Variants in ABTB2 observed in about 807,000 individuals in gnomAD.
ABTB2 encodes the protein ankyrin repeat and BTB/POZ domain-containing protein 2.
In ABTB2, 56 loss-of-function variants were observed where a neutral mutation model predicts 104.1. That is an observed-to-expected ratio of 0.54 (90% CI 0.43 to 0.67). The LOEUF (loss-of-function observed/expected upper bound fraction) is 0.67. ABTB2 is among the 30% of genes least tolerant of loss of function. ABTB2 has a pLI of 0.00. For missense variants in ABTB2, 1,279 were observed against 1,407.7 expected (o/e 0.91, Z 1.46); for synonymous variants, 606 against 608.2 (o/e 1.00, Z 0.05).
At chr11:34,271,481 G>A (rs1290009839) in intron 1 of ABTB2, among the ~76,000 whole-genome samples, 1 of 152,140 alleles carries the variant, frequency 6.6e-6, no homozygotes, top group East Asian at 1.9e-4. Context: ...GCTCATGCCT[G>A]TAATCCCAGC....
intron 1 of ABTB2, among the ~76,000 whole-genome samples, chr11:34,224,785 T>C (rs555456136): frequency 6.6e-6 from 1 of 152,320 alleles, no homozygotes; most frequent in East Asian, 1.9e-4. Flanking sequence ...GGCACCATTG[T>C]CTCTAATCAC....
At chr11:34,246,774 TG>T (rs1438295080) in intron 1 of ABTB2, among the ~76,000 whole-genome samples, 1 of 151,878 alleles carries the variant, frequency 6.6e-6, no homozygotes. Context: ...TGAGTTTCTT[TG>T]TATTGAGCCT....
chr11:34,201,318 G>A (rs143122829), intron 2 of ABTB2, among the ~76,000 whole-genome samples: 52 of 152,192 alleles, frequency 3.4e-4, no homozygotes, highest in African/African-American at 1.2e-3. Context: ...TTTCACTCTG[G>A]TCCTTCCACC....
At chr11:34,244,758 A>G (rs922024607) in intron 1 of ABTB2, among the ~76,000 whole-genome samples, 1 of 152,178 alleles carries the variant, frequency 6.6e-6, no homozygotes, top group Non-Finnish European at 1.5e-5. Flanking sequence ...TTGTAATCCC[A>G]GCACTTTGGG....
chr11:34,194,891 G>A (rs1214915532), intron 3 of ABTB2, among the ~76,000 whole-genome samples: 6 of 151,842 alleles, frequency 4.0e-5, no homozygotes, highest in Admixed American at 6.6e-5. Flanking sequence ...CAGATAGTGC[G>A]GTTTTTAAAT....
intron 1 of ABTB2, among the ~76,000 whole-genome samples, chr11:34,205,020 G>T (rs1473837763): frequency 1.3e-5 from 2 of 152,146 alleles, no homozygotes; most frequent in African/African-American, 4.8e-5. Context: ...CAGAGTGCCT[G>T]ACTCAGCCCA....
At chr11:34,281,144 C>G (rs944370943) in intron 1 of ABTB2, among the ~76,000 whole-genome samples, 1 of 152,138 alleles carries the variant, frequency 6.6e-6, no homozygotes, top group Non-Finnish European at 1.5e-5. Flanking sequence ...GAACACCCAG[C>G]GTGGTCCCTC....
At chr11:34,164,301 A>G (rs1668447946) in intron 9 of ABTB2, among the ~76,000 whole-genome samples, 1 of 152,318 alleles carries the variant, frequency 6.6e-6, no homozygotes, top group Middle Eastern at 3.4e-3. Context: ...AAGCCTCTGC[A>G]CAGCTGAGCC....
At chr11:34,319,336 A>C (rs1854974607) in intron 1 of ABTB2, among the ~76,000 whole-genome samples, 1 of 152,206 alleles carries the variant, frequency 6.6e-6, no homozygotes, top group Admixed American at 6.5e-5. Context: ...GCTTACTGGG[A>C]TCTCTTTTGG....
Position 34,154,905 on chromosome 11 carries a change from T to C in ABTB2, c.2698-136A>G, listed in dbSNP as rs1852600683. Reference sequence around the variant, plus strand: ...GCAGGTCCCCAGCTCTGTCTCTCCCTCCCTCTCCTGCTCAGGCTGAGACTT... The same window carrying C: ...GCAGGTCCCCAGCTCTGTCTCTCCCCCCCTCTCCTGCTCAGGCTGAGACTT... On this transcript the variant is annotated intron_variant, in intron 14 of 16. Transcript: ENST00000435224. The surrounding 1 kb of genome is among the most constrained non-coding windows in gnomAD (Gnocchi z 4.9). 3 of 767,060 alleles carry C rather than the reference T, an allele frequency of 3.9e-6. No individual in the cohort carries two copies. The African/African-American group carries it at 5.2e-5, about 13-fold the overall frequency. 47.5% of individuals were successfully genotyped at this position (767,060 alleles called of 1,614,324 possible). A position where few individuals can be genotyped will look rare whatever the true frequency, so the allele number is the denominator to read the frequency against.
chr11:34,197,565 G>A (rs768708300), intron 2 of ABTB2, 27 bp from the exon 3 acceptor site: 5 of 1,453,214 alleles, frequency 3.4e-6, no homozygotes, highest in East Asian at 2.4e-5. Context: ...AGGGCAGAGG[G>A]GAGGAAGAGA....
chr11:34,200,696 AAGG>A lies in ABTB2; in HGVS notation c.1031-3161_1031-3159del, dbSNP rs1853325245. Among the ~76,000 whole-genome samples, 3 of 152,190 alleles carry A rather than the reference AAGG, an allele frequency of 2.0e-5. No homozygotes were observed. The South Asian group carries it at 6.2e-4, about 31-fold the overall frequency. On this transcript the variant is annotated intron_variant, in intron 2 of 16. Coordinates refer to ENST00000435224, the MANE Select transcript of ABTB2 (RefSeq NM_145804.3). ...CTTTAACTTTTTCAGCCACCCTGTG[AAGG>A]AGGTCTTTCTACTCTACAGACAAGG...
intron 1 of ABTB2, among the ~76,000 whole-genome samples, chr11:34,323,172 G>A (rs1855027041): frequency 6.6e-6 from 1 of 152,160 alleles, no homozygotes; most frequent in Non-Finnish European, 1.5e-5. Flanking sequence ...CTCCCAAAGT[G>A]CTGGAATTAC....
intron 5 of ABTB2, among the ~76,000 whole-genome samples, chr11:34,169,407 G>A (rs1457877122): frequency 1.3e-5 from 2 of 152,124 alleles, no homozygotes; most frequent in Non-Finnish European, 2.9e-5. Flanking sequence ...TGCTGACTAT[G>A]TGCTGGATGC....
At chr11:34,176,714 A>G (rs1852964899) in intron 3 of ABTB2, among the ~76,000 whole-genome samples, 1 of 152,244 alleles carries the variant, frequency 6.6e-6, no homozygotes, top group Non-Finnish European at 1.5e-5. Context: ...GATGAACATC[A>G]GTAACTTACT....
chr11:34,281,368 C>T (rs1169258970), intron 1 of ABTB2, among the ~76,000 whole-genome samples: 1 of 152,186 alleles, frequency 6.6e-6, no homozygotes, highest in Non-Finnish European at 1.5e-5. Context: ...GCACAGCTGC[C>T]CACACCCAAG....
At chr11:34,280,769 C>T (rs927497358) in intron 1 of ABTB2, among the ~76,000 whole-genome samples, 3 of 152,100 alleles carry the variant, frequency 2.0e-5, no homozygotes, top group Non-Finnish European at 2.9e-5. Flanking sequence ...TTAATAAATG[C>T]GGATGCTCAG....
Position 34,151,097 on chromosome 11 carries a change from C to T in ABTB2, c.*1290G>A, listed in dbSNP as rs1466630907. The T allele has an allele frequency of 2.0e-5, 3 of 152,644 alleles. No homozygotes were observed. Among genetic ancestry groups the T allele is most frequent in the Non-Finnish European group, 4.4e-5 (3 of 68,042 alleles). The allele number at this position is 152,644 out of a possible 1,614,324, so 9.5% of individuals were successfully genotyped here. ...CAATATTACAGCAATAAAATAATGC[C>T]TATTTCTTTGTACATCCAGCCAAGC... On this transcript the variant is annotated 3_prime_UTR_variant, in exon 17 of 17. Transcript: ENST00000435224.
chr11:34,183,490 T>A (rs1462695423), intron 3 of ABTB2, among the ~76,000 whole-genome samples: 1 of 152,188 alleles, frequency 6.6e-6, no homozygotes, highest in Non-Finnish European at 1.5e-5. Flanking sequence ...CCAGAACATA[T>A]GGTCACCGTA....
Sources: gnomAD v4.1 joint callset for allele counts (sites outside exome capture counted in the v4.1 genomes callset) on GRCh38, gnomAD v4.1.1 for gene constraint, Gnocchi (gnomAD v3.1) non-coding constraint, MANE v1.5 for transcripts, NCBI Gene and HGNC (gene_info 2026-07-23, HGNC 2026-07-21) for gene names.